The following SLC23A2 variants were observed in gnomAD, a reference collection of about 807,000 sequenced individuals.
The protein encoded by SLC23A2 is Na(+)/L-ascorbic acid transporter 2.
SLC23A2 carries 36 observed loss-of-function variants against 73.3 expected under a neutral mutation model. That is an observed-to-expected ratio of 0.49 (90% CI 0.38 to 0.65). SLC23A2 has a LOEUF of 0.65. SLC23A2 is among the 30% of genes least tolerant of loss of function. SLC23A2 has a pLI of 0.00. For synonymous variants in SLC23A2, 343 were observed against 327.3 expected (o/e 1.05, Z -0.52); for missense variants, 507 against 841.6 (o/e 0.60, Z 4.92).
In SLC23A2 at chr20:4,963,253, C is replaced by T. The variant is rs572745036; in HGVS notation, c.-155+7540G>A. Among the ~76,000 whole-genome samples, 3 of 152,230 alleles carry T rather than the reference C, an allele frequency of 2.0e-5. 1 individual carries two copies. The highest frequency in any genetic ancestry group is 4.1e-4 in the South Asian group (2 of 4,828). ...ATGTCCTTCGTTATCCAAAGTTATGCTTTTCTCAAGTTCATGAAGCCAACC... is the reference window on the plus strand; with the variant it reads ...ATGTCCTTCGTTATCCAAAGTTATGTTTTTCTCAAGTTCATGAAGCCAACC... On this transcript the variant is annotated intron_variant, in intron 2 of 16. Transcript: ENST00000338244.
chr20:4,864,844 C>T (rs1021971436), intron 13 of SLC23A2, among the ~76,000 whole-genome samples: 2 of 152,164 alleles, frequency 1.3e-5, no homozygotes, highest in Non-Finnish European at 2.9e-5. Flanking sequence ...TATGCAAAGA[C>T]TCCTGGCAGG....
chr20:4,859,424 C>CAGCGGTG (rs1380919354), intron 15 of SLC23A2, 40 bp from the exon 16 acceptor site: 8 of 1,349,248 alleles, frequency 5.9e-6, no homozygotes, highest in African/African-American at 5.8e-5. Flanking sequence ...AGTGCCACAG[C>CAGCGGTG]AGCGGTGAGC....
chr20:4,865,476 G>C (rs1930156933), intron 13 of SLC23A2, among the ~76,000 whole-genome samples: 1 of 152,180 alleles, frequency 6.6e-6, no homozygotes, highest in South Asian at 2.1e-4. Flanking sequence ...GGATACATCA[G>C]CTCATTAAAA....
intron 3 of SLC23A2, among the ~76,000 whole-genome samples, chr20:4,929,879 G>A (rs907435235): frequency 6.6e-6 from 1 of 152,052 alleles, no homozygotes. Context: ...TGGAAGGCTG[G>A]GCCGTATCAT....
intron 3 of SLC23A2, among the ~76,000 whole-genome samples, chr20:4,928,990 G>A (rs116915305): frequency 0.02 from 3,012 of 152,310 alleles, 67 homozygotes; most frequent in South Asian, 0.07. Context: ...GGTGGCTCAC[G>A]CCTGTAATCC....
intron 9 of SLC23A2, among the ~76,000 whole-genome samples, chr20:4,882,300 G>A (rs1243880329): frequency 6.6e-6 from 1 of 151,988 alleles, no homozygotes. Flanking sequence ...GCTTAAACTC[G>A]GGAGGTGGAG....
intron 15 of SLC23A2, among the ~76,000 whole-genome samples, chr20:4,861,146 TATTTATACCTAG>T (rs1470800996): frequency 1.3e-5 from 2 of 152,214 alleles, no homozygotes; most frequent in Non-Finnish European, 2.9e-5. Context: ...ATTATGACTC[TATTTATACCTAG>T]AATAGACCGT....
In SLC23A2 at chr20:4,873,979, T is replaced by A. The variant is rs1490675158; in HGVS notation, c.1059A>T (p.Gln353His). The A allele has an allele frequency of 5.6e-6, 9 of 1,614,030 alleles. No individual in the cohort carries two copies. Among genetic ancestry groups the A allele is most frequent in the African/African-American group, 1.3e-5 (1 of 74,918 alleles). The change falls in exon 11 of 17, where the codon CAA becomes CAT. Residue 353 changes from glutamine (Q) to histidine (H), a missense_variant. Around this residue, in one of 5 missense-constraint regions of SLC23A2, gnomAD observed 217 missense variants for 398.0 expected, o/e 0.55. Transcript: ENST00000338244. ...ACCACGGGGCTACCAGAAGCACGCC[T>A]TGCCTGGCATCTGTGCGAGCATAGA... The part of the protein sequence containing the change: ...YGFYARTDAR[Q>H]GVLLVAPWFK...
chr20:5,006,948 C>CGTGT (rs375441910), intron 1 of SLC23A2, among the ~76,000 whole-genome samples: 3,490 of 148,060 alleles, frequency 0.024, 93 homozygotes, highest in South Asian at 0.14. Flanking sequence ...CCTGAAATGA[C>CGTGT]GTGTGTGTGT....
chr20:4,979,970 G>A (rs1014972310), intron 1 of SLC23A2, among the ~76,000 whole-genome samples: 2 of 147,256 alleles, frequency 1.4e-5, no homozygotes, highest in Non-Finnish European at 3.0e-5. Flanking sequence ...TACAAGACTG[G>A]AAAAACTGGC....
intron 4 of SLC23A2, among the ~76,000 whole-genome samples, chr20:4,912,569 C>T (rs1213374688): frequency 6.6e-6 from 1 of 150,560 alleles, no homozygotes; most frequent in Admixed American, 6.6e-5. Context: ...TGCCAGACCT[C>T]AAGCTCTTAA....
intron 3 of SLC23A2, among the ~76,000 whole-genome samples, chr20:4,927,757 C>T (rs973990982): frequency 6.6e-6 from 1 of 152,110 alleles, no homozygotes; most frequent in African/African-American, 2.4e-5. Flanking sequence ...CTCCTATCAC[C>T]TCTTCTATCA....
chr20:4,886,324 G>A (rs1931095120), intron 6 of SLC23A2, among the ~76,000 whole-genome samples: 1 of 152,094 alleles, frequency 6.6e-6, no homozygotes, highest in African/African-American at 2.4e-5. Context: ...AATTCTTATT[G>A]GTTATCACAG....
rs556287097 is a variant in SLC23A2, at chr20:4,880,976, G to A, written c.824+2666C>T. Among the ~76,000 whole-genome samples, 22 of 152,364 alleles carry A rather than the reference G, an allele frequency of 1.4e-4. No homozygotes were observed. The South Asian group carries it at 3.9e-3, about 27-fold the overall frequency. The stretch of plus-strand genomic sequence containing the variant: ...CAATGGCCAAGGGCGAGCAAGGCTC[G>A]CAGAGGGTGGCGGCAGTGAAGGCCT... On this transcript the variant is annotated intron_variant, in intron 9 of 16. Transcript: ENST00000338244.
chr20:4,971,470 G>T (rs1276114849), intron 1 of SLC23A2, among the ~76,000 whole-genome samples: 1 of 151,666 alleles, frequency 6.6e-6, no homozygotes, highest in Non-Finnish European at 1.5e-5. Context: ...GACAGAGTGA[G>T]ACTCTGTCTC....
At chr20:4,960,412 C>T (rs1435355718) in intron 2 of SLC23A2, among the ~76,000 whole-genome samples, 1 of 152,148 alleles carries the variant, frequency 6.6e-6, no homozygotes, top group Non-Finnish European at 1.5e-5. Flanking sequence ...GCATACTTCA[C>T]CCCAGAGAAA....
At chr20:4,966,099 C>T (rs577875308) in intron 2 of SLC23A2, among the ~76,000 whole-genome samples, 25 of 151,868 alleles carry the variant, frequency 1.6e-4, no homozygotes, top group Admixed American at 9.2e-4. Flanking sequence ...AGCTATAGAA[C>T]GTATTTGTGA....
intron 1 of SLC23A2, among the ~76,000 whole-genome samples, chr20:4,981,802 A>C (rs2087731023): frequency 6.6e-6 from 1 of 151,952 alleles, no homozygotes; most frequent in South Asian, 2.1e-4. Flanking sequence ...CCCAGGTTCA[A>C]GCGATTCTCC....
chr20:4,906,958 C>T (rs1931979531), intron 4 of SLC23A2, among the ~76,000 whole-genome samples: 3 of 152,046 alleles, frequency 2.0e-5, no homozygotes, highest in Non-Finnish European at 4.4e-5. Flanking sequence ...CAGCAGGACC[C>T]CAGAAAGTGC....
Sources: allele counts gnomAD v4.1 joint callset (sites outside exome capture counted in the v4.1 genomes callset), GRCh38; gene constraint gnomAD v4.1.1; regional missense constraint gnomAD v4.1.1; transcripts MANE v1.5; gene names NCBI Gene and HGNC (gene_info 2026-07-23, HGNC 2026-07-21).